The following ACAP2 variants were observed in gnomAD, a reference collection of about 807,000 sequenced individuals.
ACAP2 encodes ArfGAP with coiled-coil, ankyrin repeat and PH domains 2, also known as arf-GAP with coiled-coil, ANK repeat and PH domain-containing protein 2.
In ACAP2, 39 loss-of-function variants were observed where a neutral mutation model predicts 115.8. The observed-to-expected ratio is 0.34, with a 90% CI of 0.26 to 0.44. The LOEUF is 0.44. Ranked by LOEUF, ACAP2 falls within the 20% of genes least tolerant of loss-of-function variation. The probability of loss-of-function intolerance (pLI) is 1.00; values close to 1 mark genes in which losing one functional copy is unlikely to be tolerated. For synonymous variants in ACAP2, 289 were observed against 315.8 expected (o/e 0.92, Z 0.90); for missense variants, 662 against 927.6 (o/e 0.71, Z 3.72).
intron 1 of ACAP2, among the ~76,000 whole-genome samples, chr3:195,425,185 A>G (rs748756114): frequency 2.5e-4 from 38 of 152,114 alleles, no homozygotes; most frequent in Non-Finnish European, 4.9e-4. Context: ...GAGCCCTCAT[A>G]TAAAAATACC....
intron 1 of ACAP2, among the ~76,000 whole-genome samples, chr3:195,409,598 G>A (rs996228273): frequency 6.6e-6 from 1 of 152,072 alleles, no homozygotes; most frequent in African/African-American, 2.4e-5. Context: ...AAACCTGGCT[G>A]GGCACAGTGG....
intron 1 of ACAP2, among the ~76,000 whole-genome samples, chr3:195,422,411 T>A (rs946567100): frequency 6.6e-6 from 1 of 152,220 alleles, no homozygotes; most frequent in Non-Finnish European, 1.5e-5. Flanking sequence ...TTACACTTAG[T>A]TTTCCTCAAG....
intron 8 of ACAP2, among the ~76,000 whole-genome samples, chr3:195,328,189 A>G (rs973232296): frequency 6.6e-6 from 1 of 152,176 alleles, no homozygotes; most frequent in African/African-American, 2.4e-5. Context: ...CTAAATGATT[A>G]ACACATGTTC....
At position 195,380,194 on chromosome 3, in the gene ACAP2, A is replaced by G. The variant is rs553523488; in HGVS notation, c.285+815T>C. ...CTCAAGCAGATACTTGTACATGTCA[A>G]TATTAGCATAGCTAAAATTTGAACT... On this transcript the variant is annotated intron_variant, in intron 4 of 22. Coordinates refer to ENST00000326793, the MANE Select transcript of ACAP2 (RefSeq NM_012287.6). Among the ~76,000 whole-genome samples the G allele has an allele frequency of 8.5e-5, 13 of 152,322 alleles. No homozygotes were observed. In the South Asian group the frequency reaches 2.1e-3, roughly 24 times the overall value.
intron 6 of ACAP2, among the ~76,000 whole-genome samples, chr3:195,340,463 T>C (rs138551706): frequency 2.0e-5 from 3 of 151,848 alleles, no homozygotes; most frequent in Non-Finnish European, 2.9e-5. Flanking sequence ...GCAAGGGGCA[T>C]GATGAGACTG....
At chr3:195,300,034 C>A (rs1339114626) in intron 15 of ACAP2, among the ~76,000 whole-genome samples, 2 of 141,934 alleles carry the variant, frequency 1.4e-5, no homozygotes, top group East Asian at 2.2e-4. Flanking sequence ...TTTCTTTTTT[C>A]TTTTTTTTTC....
At chr3:195,428,656 A>G (rs116212620) in intron 1 of ACAP2, among the ~76,000 whole-genome samples, 1,951 of 152,260 alleles carry the variant, frequency 0.013, 32 homozygotes, top group African/African-American at 0.043. Context: ...TGATGTTTAC[A>G]TGACAAAATC....
chr3:195,295,862 T>G lies in ACAP2; in HGVS notation c.1518A>C (p.Lys506Asn). The G allele has an allele frequency of 6.2e-7, 1 of 1,613,494 alleles. No homozygotes were observed. Among genetic ancestry groups the G allele is most frequent in the Non-Finnish European group, 8.5e-7 (1 of 1,179,860 alleles). ...RQEKEAYIRA[K>N]YVERKFVDKY... ...TATCCACAAATTTCCTCTCCACATA[T>G]TTTGCTCTGATATATGCCTCCTTCT... is the stretch of plus-strand genomic sequence containing the variant. Residue 506 changes from lysine (K) to asparagine (N), a missense_variant, in exon 17 of 23, where the codon AAA (lysine) becomes AAC (asparagine). Transcript: ENST00000326793.
At chr3:195,319,318 C>T (rs1227858389) in intron 10 of ACAP2, among the ~76,000 whole-genome samples, 2 of 152,224 alleles carry the variant, frequency 1.3e-5, no homozygotes, top group African/African-American at 4.8e-5. Flanking sequence ...ATATAGTCCC[C>T]ACTGTGGCAC....
chr3:195,279,116 CT>C lies in ACAP2; in HGVS notation c.*211del, dbSNP rs149109156. 5,229 of 395,014 alleles carry C rather than the reference CT, an allele frequency of 0.013. 180 individuals carry two copies. The highest frequency in any genetic ancestry group is 0.085 in the African/African-American group (4,056 of 47,590). The allele number at this position is 395,014 out of a possible 1,614,324, so 24.5% of individuals were successfully genotyped here. On this transcript the variant is annotated 3_prime_UTR_variant, in exon 23 of 23. Transcript: ENST00000326793. ...CTACAGAAATAGCCCTTTAAATAGGCTTTTTTAATAAAAGAGGTCCTAAACT... is the reference window on the plus strand; with the variant it reads ...CTACAGAAATAGCCCTTTAAATAGGCTTTTTAATAAAAGAGGTCCTAAACT...
At chr3:195,367,737 C>A (rs1296052181) in intron 4 of ACAP2, among the ~76,000 whole-genome samples, 1 of 152,196 alleles carries the variant, frequency 6.6e-6, no homozygotes, top group Non-Finnish European at 1.5e-5. Flanking sequence ...TCTGACTAGC[C>A]TGCTGGGGAG....
chr3:195,392,136 TC>T lies in ACAP2; in HGVS notation c.64del (p.Glu22LysfsTer3). 6.2e-7 allele frequency: 1 copy of T among 1,612,500 alleles called. No homozygotes were observed. Among genetic ancestry groups the T allele is most frequent in the Non-Finnish European group, 8.5e-7 (1 of 1,179,252 alleles). ...TTCTGCCACATCACCTTCTACTTCT[TC>T]CAAAGCTGCCCTAGAAAAATTAAAT... ...KDSPRFRAALEEVEGDVAELE... is the reference protein window; with the variant it reads ...KDSPRFRAALXEVEGDVAELE... On this transcript the variant is annotated frameshift_variant, in exon 2 of 23. Coordinates refer to ENST00000326793, the MANE Select transcript of ACAP2 (RefSeq NM_012287.6). LOFTEE classifies it high-confidence loss of function.
chr3:195,434,340 C>T (rs1395042672), intron 1 of ACAP2, among the ~76,000 whole-genome samples: 2 of 152,166 alleles, frequency 1.3e-5, no homozygotes, highest in African/African-American at 4.8e-5. Context: ...TCAAGCAATC[C>T]TCCCATCTCA....
chr3:195,414,038 G>A (rs1713511261), intron 1 of ACAP2, among the ~76,000 whole-genome samples: 1 of 152,094 alleles, frequency 6.6e-6, no homozygotes, highest in Non-Finnish European at 1.5e-5. Context: ...GAGAAACACA[G>A]ATGGCAAATA....
rs533212726 is a variant in ACAP2 at position 195,298,963 on chromosome 3, C to T, written c.1396-1682G>A. Among the ~76,000 whole-genome samples, 11 of 152,284 alleles carry T rather than the reference C, an allele frequency of 7.2e-5. 1 individual carries two copies. In the South Asian group the frequency reaches 2.3e-3, roughly 32 times the overall value. On this transcript the variant is annotated intron_variant, in intron 15 of 22. Coordinates refer to ENST00000326793, the MANE Select transcript of ACAP2 (RefSeq NM_012287.6). The stretch of plus-strand genomic sequence containing the variant: ...TATTGTTTCTACTATCTCTCCCTGT[C>T]ACTTTCTTTCCCCTCTTCCCATAGC...
At chr3:195,379,768 C>T (rs1733824202) in intron 4 of ACAP2, among the ~76,000 whole-genome samples, 1 of 152,158 alleles carries the variant, frequency 6.6e-6, no homozygotes, top group African/African-American at 2.4e-5. Flanking sequence ...TGTGCCATTG[C>T]ACTCCAGTCT....
chr3:195,398,546 A>T (rs1166479341), intron 1 of ACAP2, among the ~76,000 whole-genome samples: 2 of 152,036 alleles, frequency 1.3e-5, no homozygotes, highest in Non-Finnish European at 2.9e-5. Flanking sequence ...CTGAGGCAGG[A>T]GAATCACTTG....
intron 9 of ACAP2, among the ~76,000 whole-genome samples, chr3:195,325,293 G>A (rs779688662): frequency 3.9e-5 from 6 of 151,958 alleles, no homozygotes; most frequent in East Asian, 3.9e-4. Flanking sequence ...TGTAAAATGC[G>A]TGCACGTATC....
At chr3:195,316,260 G>A (rs75093352) in intron 10 of ACAP2, among the ~76,000 whole-genome samples, 3,254 of 151,188 alleles carry the variant, frequency 0.022, 112 homozygotes, top group East Asian at 0.1. Flanking sequence ...GAAAGGCTTA[G>A]AAGACTACTG....
Sources: allele counts gnomAD v4.1 joint callset (sites outside exome capture counted in the v4.1 genomes callset), GRCh38; gene constraint gnomAD v4.1.1; transcripts MANE v1.5; gene names NCBI Gene and HGNC (gene_info 2026-07-23, HGNC 2026-07-21).